The following ADCY8 variants were observed in gnomAD, a reference collection of about 807,000 sequenced individuals.
ADCY8 encodes the protein adenylate cyclase 8.
A neutral mutation model predicts 119.7 loss-of-function variants in ADCY8; 51 were observed. That is an observed-to-expected ratio of 0.43 (90% CI 0.34 to 0.54). The LOEUF is 0.54. Among genes scored for constraint, ADCY8 ranks in the 20% least tolerant of loss-of-function variants. ADCY8 has a pLI of 0.03. For missense variants in ADCY8, 1,383 were observed against 1,598.8 expected (o/e 0.87, Z 2.30); for synonymous variants, 665 against 651.0 (o/e 1.02, Z -0.33).
intron 2 of ADCY8, among the ~76,000 whole-genome samples, chr8:130,958,800 T>C (rs1384191080): frequency 6.6e-6 from 1 of 152,214 alleles, no homozygotes; most frequent in Non-Finnish European, 1.5e-5. Context: ...CATATCACAC[T>C]CTTTTCCTGT....
intron 4 of ADCY8, among the ~76,000 whole-genome samples, 161 bp from the exon 5 acceptor site, chr8:130,937,361 A>G (rs1378180606): frequency 2.6e-5 from 4 of 152,176 alleles, no homozygotes; most frequent in African/African-American, 9.7e-5. Context: ...AAAATATTTG[A>G]GGTGTAACCT....
intron 5 of ADCY8, among the ~76,000 whole-genome samples, chr8:130,916,049 G>T (rs1050976782): frequency 6.6e-6 from 1 of 152,148 alleles, no homozygotes; most frequent in Non-Finnish European, 1.5e-5. Context: ...ACAAACCTGG[G>T]TATCACTACC....
intron 15 of ADCY8, among the ~76,000 whole-genome samples, chr8:130,793,466 G>A (rs192958336): frequency 7.9e-5 from 12 of 152,166 alleles, no homozygotes; most frequent in African/African-American, 2.9e-4. Flanking sequence ...TCTGTCTATT[G>A]TACAACATAT....
chr8:130,883,524 T>G (rs1197904963), intron 8 of ADCY8, among the ~76,000 whole-genome samples: 1 of 152,200 alleles, frequency 6.6e-6, no homozygotes, highest in African/African-American at 2.4e-5. Flanking sequence ...TTGGGAATGC[T>G]GTATGTGCAC....
intron 11 of ADCY8, among the ~76,000 whole-genome samples, chr8:130,840,212 G>A (rs1817098764): frequency 7.2e-6 from 1 of 138,532 alleles, no homozygotes; most frequent in Non-Finnish European, 1.6e-5. Context: ...GATGTTTAGT[G>A]AGCAATGACA....
chr8:131,014,178 C>G (rs1459561152), intron 1 of ADCY8, among the ~76,000 whole-genome samples: 2 of 152,166 alleles, frequency 1.3e-5, no homozygotes, highest in African/African-American at 4.8e-5. Context: ...ATCAGTTAAC[C>G]TCTACAGCAG....
At chr8:130,805,818 G>T (rs1026947913) in intron 14 of ADCY8, among the ~76,000 whole-genome samples, 1 of 152,210 alleles carries the variant, frequency 6.6e-6, no homozygotes, top group African/African-American at 2.4e-5. Context: ...TTGTGGGGCA[G>T]AAAGGGAAAC....
intron 5 of ADCY8, among the ~76,000 whole-genome samples, chr8:130,926,962 C>T (rs1032703288): frequency 4.4e-5 from 6 of 136,208 alleles, no homozygotes; most frequent in Admixed American, 2.8e-4. Flanking sequence ...TATATATATA[C>T]ACACACCACA....
At chr8:130,984,330 C>T (rs1003882062) in intron 2 of ADCY8, among the ~76,000 whole-genome samples, 2 of 152,168 alleles carry the variant, frequency 1.3e-5, no homozygotes, top group African/African-American at 4.8e-5. Context: ...TATACAATGA[C>T]TTCTAACATA....
chr8:130,903,692 G>A, intron 7 of ADCY8, 80 bp downstream of exon 7: 1 of 1,495,712 alleles, frequency 6.7e-7, no homozygotes, highest in Non-Finnish European at 9.1e-7. Flanking sequence ...AGATGAATCA[G>A]TTTTCTCTGA....
intron 2 of ADCY8, among the ~76,000 whole-genome samples, chr8:130,989,216 A>G (rs926467599): frequency 1.3e-5 from 2 of 152,212 alleles, no homozygotes; most frequent in Non-Finnish European, 2.9e-5. Context: ...TCAAAGTAAG[A>G]TCTGAAAACT....
chr8:130,937,523 T>A (rs28621562), intron 4 of ADCY8, among the ~76,000 whole-genome samples: 18,648 of 152,154 alleles, frequency 0.12, 1,356 homozygotes, highest in Non-Finnish European at 0.17. Flanking sequence ...AGAGTGCTCA[T>A]AGTATCTCCT....
rs150378834 is a variant in ADCY8 at position 130,861,228 on chromosome 8, A to G, written c.2210+6618T>C. On this transcript the variant is annotated intron_variant, in intron 9 of 17. Coordinates refer to ENST00000286355, the MANE Select transcript of ADCY8 (RefSeq NM_001115.3). ...CAACCTTTAGCATTGGTTTGTTGAT[A>G]TTATAAAACAGCTTGCTGAAGTTTT... Among the ~76,000 whole-genome samples, 1,027 of 152,294 alleles carry G rather than the reference A, an allele frequency of 6.7e-3. 4 individuals carry two copies. The highest frequency in any genetic ancestry group is 0.011 in the Non-Finnish European group (722 of 68,020).
At chr8:130,901,285 A>T (rs1211714639) in intron 7 of ADCY8, among the ~76,000 whole-genome samples, 1 of 139,452 alleles carries the variant, frequency 7.2e-6, no homozygotes, top group African/African-American at 2.8e-5. Flanking sequence ...TTGGCTTGTA[A>T]TAGATGCTCA....
chr8:130,971,235 A>G (rs575967801), intron 2 of ADCY8, among the ~76,000 whole-genome samples: 8 of 152,210 alleles, frequency 5.3e-5, no homozygotes, highest in African/African-American at 1.9e-4. Context: ...AGAGTTAGAC[A>G]TCACCTGTAT....
At chr8:130,823,287 A>C (rs1816575044) in intron 12 of ADCY8, among the ~76,000 whole-genome samples, 1 of 152,220 alleles carries the variant, frequency 6.6e-6, no homozygotes, top group South Asian at 2.1e-4. Flanking sequence ...CAGATGGAAA[A>C]AACAGCCTGA....
chr8:130,850,064 A>AT (rs1817469332), intron 9 of ADCY8, among the ~76,000 whole-genome samples: 2 of 151,946 alleles, frequency 1.3e-5, no homozygotes, highest in South Asian at 4.2e-4. Context: ...CCTCTTATTA[A>AT]TTTTTGTCAC....
chr8:130,852,648 T>C (rs976023241), intron 9 of ADCY8, among the ~76,000 whole-genome samples: 12 of 152,128 alleles, frequency 7.9e-5, no homozygotes, highest in African/African-American at 2.9e-4. Flanking sequence ...GAGCCTCAAA[T>C]TCTTACATGG....
intron 7 of ADCY8, among the ~76,000 whole-genome samples, chr8:130,893,011 T>C (rs1245498845): frequency 2.0e-5 from 3 of 152,154 alleles, no homozygotes; most frequent in African/African-American, 7.2e-5. Flanking sequence ...TTCTTTGAGC[T>C]CCTTAAAAAG....
Sources: allele counts gnomAD v4.1 joint callset (sites outside exome capture counted in the v4.1 genomes callset), GRCh38; gene constraint gnomAD v4.1.1; transcripts MANE v1.5; gene names NCBI Gene and HGNC (gene_info 2026-07-23, HGNC 2026-07-21).